Variants in PUS7 observed in about 807,000 individuals in gnomAD.
PUS7 encodes pseudouridine synthase 7.
In PUS7, 48 loss-of-function variants were observed where a neutral mutation model predicts 79.8. The ratio of observed to expected loss-of-function variants is 0.60; its 90% CI spans 0.48 to 0.76. The LOEUF (loss-of-function observed/expected upper bound fraction) is 0.76, where lower values mean the gene tolerates loss of function less well. Ranked by LOEUF, PUS7 falls within the 30% of genes least tolerant of loss-of-function variation. The pLI, the probability that PUS7 is intolerant of heterozygous loss-of-function variation, is 0.00. For missense variants in PUS7, 729 were observed against 797.6 expected (o/e 0.91, Z 1.04); for synonymous variants, 286 against 272.2 (o/e 1.05, Z -0.50).
chr7:105,477,492 C>T (rs1171310857), intron 9 of PUS7, among the ~76,000 whole-genome samples: 6 of 151,960 alleles, frequency 3.9e-5, no homozygotes, highest in Non-Finnish European at 7.4e-5. Context: ...TCAAGCAATC[C>T]GCCACCCACC....
chr7:105,495,923 G>T (rs922912792), intron 5 of PUS7, among the ~76,000 whole-genome samples: 3 of 151,986 alleles, frequency 2.0e-5, no homozygotes, highest in African/African-American at 7.2e-5. Flanking sequence ...ACTTTGGGAG[G>T]CTGAGATGGG....
chr7:105,493,669 T>C (rs886596399), intron 6 of PUS7, among the ~76,000 whole-genome samples: 2 of 152,058 alleles, frequency 1.3e-5, no homozygotes, highest in African/African-American at 2.4e-5. Flanking sequence ...CCAATCTGAC[T>C]GGTATCCTCC....
intron 12 of PUS7, among the ~76,000 whole-genome samples, chr7:105,467,195 A>G (rs1823685110): frequency 6.6e-6 from 1 of 151,906 alleles, no homozygotes; most frequent in Non-Finnish European, 1.5e-5. Flanking sequence ...GGCACACACA[A>G]TGGGCTCCAT....
rs551844702 is a variant in PUS7, at chr7:105,505,670, G to A, written c.585+285C>T. 2.0e-5 allele frequency among the ~76,000 whole-genome samples: 3 copies of A among 152,170 alleles called. No individual in the cohort carries two copies. The East Asian group carries it at 5.8e-4, about 29-fold the overall frequency. On this transcript the variant is annotated intron_variant, in intron 4 of 15. Coordinates refer to ENST00000469408, the MANE Select transcript of PUS7 (RefSeq NM_019042.5). The stretch of plus-strand genomic sequence containing the variant: ...AATTCCTGGGCTCAAGTAAACCTCT[G>A]GCTTCAGCCTTCGGAGTAGCTAGGA...
intron 7 of PUS7, 109 bp from the exon 8 acceptor site, chr7:105,482,549 T>G: frequency 2.5e-6 from 3 of 1,183,046 alleles, no homozygotes; most frequent in Non-Finnish European, 3.5e-6. Flanking sequence ...AGCACACCTA[T>G]GACCCCCTGA....
Position 105,495,155 on chromosome 7 carries a change from A to G in PUS7, c.829T>C (p.Ser277Pro), listed in dbSNP as rs1382811909. 6.3e-7 allele frequency: 1 copy of G among 1,584,926 alleles called. No homozygotes were observed. The highest frequency in any genetic ancestry group is 8.6e-7 in the Non-Finnish European group (1 of 1,156,086). ...KDTMDAINVLSKYLRVKPNIF... is the reference protein window; with the variant it reads ...KDTMDAINVLPKYLRVKPNIF... ...ACAGTAACTCACCTTAAGTATTTGG[A>G]GAGTACATTAATAGCATCCATGGTG... The change falls in exon 6 of 16, where the codon TCC becomes CCC. Residue 277 changes from serine to proline, a missense_variant. Transcript: ENST00000469408.
At chr7:105,519,585 G>A (rs984713257) in intron 1 of PUS7, among the ~76,000 whole-genome samples, 3 of 152,194 alleles carry the variant, frequency 2.0e-5, no homozygotes, top group South Asian at 4.1e-4. Flanking sequence ...TTAAGTCTAT[G>A]AGGGTCATTC....
In PUS7 at chr7:105,508,451, T is replaced by C. The variant is rs1825561385; in HGVS notation, c.62A>G (p.Asn21Ser). The change falls in exon 2 of 16, where the codon AAT becomes AGT. Residue 21 changes from asparagine (N) to serine (S), a missense_variant. Coordinates refer to ENST00000469408, the MANE Select transcript of PUS7 (RefSeq NM_019042.5). ...CTCTTCAACTGGGACTCCACTGTCA[T>C]TATCTTCGACAACCAGTGCCCCACG... is the stretch of plus-strand genomic sequence containing the variant. The part of the protein sequence containing the change: ...LKRGALVVED[N>S]DSGVPVEETK... 2 of 1,614,156 alleles carry C rather than the reference T, an allele frequency of 1.2e-6. No individual in the cohort carries two copies. The highest frequency in any genetic ancestry group is 1.7e-6 in the Non-Finnish European group (2 of 1,180,040).
At chr7:105,514,146 G>A (rs1378643048) in intron 1 of PUS7, among the ~76,000 whole-genome samples, 4 of 138,604 alleles carry the variant, frequency 2.9e-5, no homozygotes, top group Admixed American at 7.4e-5. Context: ...CAGGAGAATG[G>A]CGTGAACCCA....
At chr7:105,494,777 A>C (rs1368075866) in intron 6 of PUS7, among the ~76,000 whole-genome samples, 1 of 151,948 alleles carries the variant, frequency 6.6e-6, no homozygotes, top group Non-Finnish European at 1.5e-5. Flanking sequence ...CAGGAGTTCG[A>C]GACCAGCCTG....
intron 1 of PUS7, among the ~76,000 whole-genome samples, chr7:105,509,092 G>A (rs1213802861): frequency 2.7e-5 from 4 of 146,766 alleles, no homozygotes; most frequent in Non-Finnish European, 3.0e-5. Context: ...GCTGAGGCAG[G>A]AGAATCGCTT....
intron 11 of PUS7, among the ~76,000 whole-genome samples, chr7:105,468,841 C>T (rs1381355127): frequency 1.3e-5 from 2 of 151,854 alleles, no homozygotes; most frequent in South Asian, 2.1e-4. Flanking sequence ...CTTTCTAAGA[C>T]ATTTTGCTTG....
intron 7 of PUS7, among the ~76,000 whole-genome samples, chr7:105,482,944 A>C (rs1215101116): frequency 1.3e-5 from 2 of 152,208 alleles, no homozygotes. Flanking sequence ...AAAAATTTCC[A>C]CTGACATCTA....
chr7:105,502,752 T>C (rs538922951), intron 4 of PUS7, among the ~76,000 whole-genome samples, 188 bp from the exon 5 acceptor site: 1 of 152,338 alleles, frequency 6.6e-6, no homozygotes, highest in South Asian at 2.1e-4. Flanking sequence ...CAAGCTGGAG[T>C]GCAGTGGAGT....
Sources: allele counts gnomAD v4.1 joint callset (sites outside exome capture counted in the v4.1 genomes callset), GRCh38; gene constraint gnomAD v4.1.1; transcripts MANE v1.5; gene names NCBI Gene and HGNC (gene_info 2026-07-23, HGNC 2026-07-21).